The following KIAA1958 variants were observed in gnomAD, a reference collection of about 807,000 sequenced individuals.
The protein encoded by KIAA1958 is KIAA1958, also known as uncharacterized protein KIAA1958.
A neutral mutation model predicts 47.2 loss-of-function variants in KIAA1958; 14 were observed. The ratio of observed to expected loss-of-function variants is 0.30; its 90% CI spans 0.20 to 0.46. KIAA1958 has a LOEUF of 0.46. KIAA1958 is among the 20% of genes least tolerant of loss of function. KIAA1958 has a pLI of 1.00. For synonymous variants in KIAA1958, 354 were observed against 353.3 expected (o/e 1.00, Z -0.02); for missense variants, 803 against 909.2 (o/e 0.88, Z 1.50).
chr9:112,551,828 C>G (rs1260580334), intron 1 of KIAA1958, among the ~76,000 whole-genome samples: 2 of 152,188 alleles, frequency 1.3e-5, no homozygotes, highest in Non-Finnish European at 2.9e-5. Context: ...CTAATTGTAT[C>G]TGGTCTAACT....
Position 112,664,297 on chromosome 9 carries a change from G to A in KIAA1958, c.*4228G>A, listed in dbSNP as rs780003724. On this transcript the variant is annotated 3_prime_UTR_variant, in exon 4 of 4. Transcript: ENST00000337530. The stretch of plus-strand genomic sequence containing the variant: ...AGCAGAATATTGATCATTTTTCTCA[G>A]TTTAGGCTAACACAGTCCACACCAT... 12 of 152,154 alleles carry A rather than the reference G, an allele frequency of 7.9e-5. No homozygotes were observed. The highest frequency in any genetic ancestry group is 1.6e-4 in the Non-Finnish European group (11 of 68,050). The allele number at this position is 152,154 out of a possible 1,614,324, so 9.4% of individuals were successfully genotyped here.
At chr9:112,580,597 G>A (rs1835719286) in intron 2 of KIAA1958, among the ~76,000 whole-genome samples, 1 of 152,110 alleles carries the variant, frequency 6.6e-6, no homozygotes, top group Admixed American at 6.6e-5. Context: ...GACCAGCCTG[G>A]CCAACATGGT....
intron 3 of KIAA1958, among the ~76,000 whole-genome samples, chr9:112,655,002 A>G (rs1022106102): frequency 6.6e-6 from 1 of 152,202 alleles, no homozygotes; most frequent in Non-Finnish European, 1.5e-5. Flanking sequence ...GTATTATATA[A>G]TAACAGTGAT....
chr9:112,524,371 G>T (rs1834605162), intron 1 of KIAA1958, among the ~76,000 whole-genome samples: 1 of 152,192 alleles, frequency 6.6e-6, no homozygotes, highest in African/African-American at 2.4e-5. Flanking sequence ...GCTTGAAGGG[G>T]GTCTAGTTTA....
At chr9:112,487,546 T>G (rs1186739380) in intron 1 of KIAA1958, among the ~76,000 whole-genome samples, 2 of 152,044 alleles carry the variant, frequency 1.3e-5, no homozygotes, top group Non-Finnish European at 2.9e-5. Flanking sequence ...TTCCAAGTCT[T>G]GAGATGCTTA....
chr9:112,493,132 C>A (rs1833998794), intron 1 of KIAA1958, among the ~76,000 whole-genome samples: 1 of 146,740 alleles, frequency 6.8e-6, no homozygotes, highest in African/African-American at 2.5e-5. Context: ...CTGTTATTTT[C>A]TTCTGAGTTC....
intron 2 of KIAA1958, among the ~76,000 whole-genome samples, chr9:112,593,098 C>CT (rs966132653): frequency 3.3e-5 from 5 of 151,874 alleles, no homozygotes; most frequent in Non-Finnish European, 5.9e-5. Flanking sequence ...ATTCTATGTA[C>CT]TTTTTTTTGG....
At chr9:112,600,148 A>G (rs1836104336) in intron 2 of KIAA1958, among the ~76,000 whole-genome samples, 1 of 152,218 alleles carries the variant, frequency 6.6e-6, no homozygotes, top group African/African-American at 2.4e-5. Flanking sequence ...TGGCTGTAGC[A>G]CAGAATGCTT....
At chr9:112,510,040 G>A (rs1015141571) in intron 1 of KIAA1958, among the ~76,000 whole-genome samples, 1 of 152,156 alleles carries the variant, frequency 6.6e-6, no homozygotes, top group African/African-American at 2.4e-5. Flanking sequence ...TAAAGGAAGT[G>A]GTGCAGCCCC....
chr9:112,651,007 A>C (rs946555382), intron 3 of KIAA1958, among the ~76,000 whole-genome samples: 2 of 152,216 alleles, frequency 1.3e-5, no homozygotes, highest in South Asian at 4.1e-4. Context: ...GTATACACTT[A>C]AAAACAGAGC....
intron 1 of KIAA1958, among the ~76,000 whole-genome samples, chr9:112,533,595 A>ACC: frequency 2.6e-5 from 4 of 151,430 alleles, no homozygotes; most frequent in Non-Finnish European, 4.4e-5. Context: ...AAAAAAAAAA[A>ACC]AAAAAAAAAA....
At chr9:112,543,068 T>TG (rs1292136485) in intron 1 of KIAA1958, among the ~76,000 whole-genome samples, 1 of 152,210 alleles carries the variant, frequency 6.6e-6, no homozygotes, top group African/African-American at 2.4e-5. Flanking sequence ...TCTGAGGCTT[T>TG]AGACAGTTTG....
intron 1 of KIAA1958, among the ~76,000 whole-genome samples, chr9:112,536,089 T>C (rs1348940706): frequency 6.6e-6 from 1 of 152,236 alleles, no homozygotes; most frequent in Non-Finnish European, 1.5e-5. Flanking sequence ...GTGGCTAATG[T>C]AACTGAAGTC....
chr9:112,602,585 G>T (rs1329167646), intron 2 of KIAA1958, among the ~76,000 whole-genome samples: 2 of 152,100 alleles, frequency 1.3e-5, no homozygotes, highest in African/African-American at 2.4e-5. Context: ...TTCTGGTATG[G>T]ACTTTAGTTG....
At chr9:112,580,172 C>T (rs964087367) in intron 2 of KIAA1958, among the ~76,000 whole-genome samples, 8 of 151,998 alleles carry the variant, frequency 5.3e-5, no homozygotes, top group African/African-American at 1.7e-4. Context: ...TGAGTGTGAG[C>T]GTGGGGTGGA....
chr9:112,545,561 C>T (rs1835014139), intron 1 of KIAA1958, among the ~76,000 whole-genome samples: 1 of 152,080 alleles, frequency 6.6e-6, no homozygotes, highest in Admixed American at 6.5e-5. Flanking sequence ...ACATTTATCA[C>T]TTATTTAGCA....
At chr9:112,636,782 TC>T (rs950782548) in intron 2 of KIAA1958, among the ~76,000 whole-genome samples, 1 of 152,140 alleles carries the variant, frequency 6.6e-6, no homozygotes. Flanking sequence ...GGTGTATTTT[TC>T]CCCCAGGAGA....
chr9:112,507,319 G>T (rs1040237689), intron 1 of KIAA1958, among the ~76,000 whole-genome samples: 1 of 152,072 alleles, frequency 6.6e-6, no homozygotes, highest in African/African-American at 2.4e-5. Flanking sequence ...AAGATGTGTG[G>T]AACTGACTGA....
intron 2 of KIAA1958, among the ~76,000 whole-genome samples, chr9:112,588,057 A>C (rs549393671): frequency 6.6e-6 from 1 of 152,346 alleles, no homozygotes; most frequent in South Asian, 2.1e-4. Context: ...GATATTAGGG[A>C]TATCAGTGTC....
Sources: allele counts gnomAD v4.1 joint callset (sites outside exome capture counted in the v4.1 genomes callset), GRCh38; gene constraint gnomAD v4.1.1; transcripts MANE v1.5; gene names NCBI Gene and HGNC (gene_info 2026-07-23, HGNC 2026-07-21).